Variants in DHRSX observed in about 807,000 individuals in gnomAD.
The protein encoded by DHRSX is polyprenol dehydrogenase.
Under a neutral mutation model 34.0 loss-of-function variants are expected in DHRSX, and 31 were observed. The observed-to-expected ratio is 0.91, with a 90% CI of 0.69 to 1.23. The LOEUF is 1.23. Among genes scored for constraint, DHRSX ranks in the 50% most tolerant of loss-of-function variants. The pLI is 0.00. For synonymous variants in DHRSX, 201 were observed against 183.8 expected, an observed-to-expected ratio of 1.09 and a Z score of -0.76; for missense variants, 414 against 428.1, an observed-to-expected ratio of 0.97 and a Z score of 0.29.
chrX:2,408,094 GTTTGA>G (rs1188554068), intron 3 of DHRSX, among the ~76,000 whole-genome samples: 5 of 151,434 alleles, frequency 3.3e-5, no homozygotes, highest in East Asian at 3.9e-4. Context: ...GCATATTCCT[GTTTGA>G]TTTATCTTTT....
chrX:2,286,108 C>T (rs181958382), intron 4 of DHRSX, among the ~76,000 whole-genome samples: 1 of 151,844 alleles, frequency 6.6e-6, no homozygotes, highest in Non-Finnish European at 1.5e-5. Context: ...TAGAATCCAG[C>T]CTTCTCATTT....
chrX:2,441,749 C>T lies in DHRSX; in HGVS notation c.110-16445G>A, dbSNP rs193216197. Among the ~76,000 whole-genome samples, 859 of 152,252 alleles carry T rather than the reference C, an allele frequency of 5.6e-3. 6 individuals carry two copies. Among genetic ancestry groups the T allele is most frequent in the African/African-American group, 0.02 (823 of 41,554 alleles). The stretch of plus-strand genomic sequence containing the variant: ...ACTGAAAATCTCATTATTGGGTACA[C>T]ACCCAGAGGAATATAAATTGTTCTA... On this transcript the variant is annotated intron_variant, in intron 1 of 6. Transcript: ENST00000334651.
chrX:2,362,117 T>G (rs758126399), intron 3 of DHRSX, among the ~76,000 whole-genome samples: 98 of 152,304 alleles, frequency 6.4e-4, no homozygotes, highest in African/African-American at 2.3e-3. Flanking sequence ...TAAGAACTTT[T>G]AAGAGCCCTA....
rs868820653 is a variant in DHRSX at position 2,393,979 on chromosome X, G to A, written c.286+14766C>T. 1.2e-4 allele frequency among the ~76,000 whole-genome samples: 18 copies of A among 152,184 alleles called. No individual in the cohort carries two copies. In the Middle Eastern group the frequency reaches 9.5e-3, roughly 80 times the overall value. On this transcript the variant is annotated intron_variant, in intron 3 of 6. Coordinates refer to ENST00000334651, the MANE Select transcript of DHRSX (RefSeq NM_145177.3). ...CAGGGACCATTCGGGGTTCAGGGAC[G>A]CGTGTCCATGGTAGGATCCCTGGCA...
chrX:2,356,856 T>C (rs1235869568), intron 3 of DHRSX, among the ~76,000 whole-genome samples: 1 of 152,160 alleles, frequency 6.6e-6, no homozygotes, highest in Non-Finnish European at 1.5e-5. Context: ...ACATAGAACA[T>C]AGAAAATATG....
chrX:2,399,915 ACTAGTCCCAG>A (rs1368167862), intron 3 of DHRSX, among the ~76,000 whole-genome samples: 5 of 151,712 alleles, frequency 3.3e-5, no homozygotes, highest in Non-Finnish European at 7.4e-5. Context: ...GGTGCATGCT[ACTAGTCCCAG>A]CTACTCGGGA....
At chrX:2,380,242 A>G (rs2043187240) in intron 3 of DHRSX, among the ~76,000 whole-genome samples, 1 of 135,396 alleles carries the variant, frequency 7.4e-6, no homozygotes, top group South Asian at 2.6e-4. Context: ...CGGAGGTTGC[A>G]GTGAGCTGAG....
In DHRSX at chrX:2,319,216, TC is replaced by T. The variant is rs1171291558; in HGVS notation, c.287-27614del. Among the ~76,000 whole-genome samples the T allele has an allele frequency of 2.7e-3, 107 of 39,098 alleles. 3 individuals carry two copies. Among genetic ancestry groups the T allele is most frequent in the East Asian group, 0.021 (25 of 1,198 alleles). The allele number at this position is 39,098 out of a possible 152,430, so 25.6% of individuals were successfully genotyped here. ...CCTCCTCCCTCTTCGTCCCCCCTCCTCCCCCCCTCCCTTCTCCTCCTCCCCT... is the reference window on the plus strand; with the variant it reads ...CCTCCTCCCTCTTCGTCCCCCCTCCTCCCCCCTCCCTTCTCCTCCTCCCCT... On this transcript the variant is annotated intron_variant, in intron 3 of 6. Coordinates refer to ENST00000334651, the MANE Select transcript of DHRSX (RefSeq NM_145177.3).
chrX:2,249,513 C>CCT (rs2016383823), intron 5 of DHRSX, among the ~76,000 whole-genome samples: 4 of 70,166 alleles, frequency 5.7e-5, no homozygotes, highest in East Asian at 6.8e-4. Context: ...CTTTTTGTGC[C>CCT]TTTTTTTTTT....
At chrX:2,298,985 CAAAAAAAA>C (rs1162323678) in intron 3 of DHRSX, among the ~76,000 whole-genome samples, 26 of 88,530 alleles carry the variant, frequency 2.9e-4, no homozygotes, top group Middle Eastern at 5.3e-3. Flanking sequence ...AACTCTGTCT[CAAAAAAAA>C]AAAAAAAAAA....
At chrX:2,368,101 G>A (rs1007800220) in intron 3 of DHRSX, among the ~76,000 whole-genome samples, 1 of 151,718 alleles carries the variant, frequency 6.6e-6, no homozygotes, top group African/African-American at 2.4e-5. Context: ...AAATTAGCCG[G>A]GCGTGGTGCC....
intron 1 of DHRSX, among the ~76,000 whole-genome samples, chrX:2,478,180 A>T (rs2044710309): frequency 6.6e-6 from 1 of 152,126 alleles, no homozygotes; most frequent in South Asian, 2.1e-4. Context: ...CAGGAGAAGG[A>T]ATGAATGCGG....
chrX:2,494,801 A>G (rs947829724), intron 1 of DHRSX, among the ~76,000 whole-genome samples: 3 of 151,974 alleles, frequency 2.0e-5, no homozygotes, highest in Non-Finnish European at 2.9e-5. Context: ...CCCAGTACCT[A>G]GAAGAAAAGT....
chrX:2,284,726 C>T (rs142946718), intron 4 of DHRSX, among the ~76,000 whole-genome samples: 3,220 of 152,158 alleles, frequency 0.021, 111 homozygotes, highest in African/African-American at 0.071. Context: ...CCATAAATAC[C>T]GGCTCTGCAG....
intron 3 of DHRSX, among the ~76,000 whole-genome samples, chrX:2,331,441 T>TTTTTTC (rs1569490002): frequency 1.5e-5 from 1 of 67,834 alleles, no homozygotes; most frequent in Non-Finnish European, 2.9e-5. Context: ...TTTTGGTTTT[T>TTTTTTC]TTTTTTTTTT....
chrX:2,438,443 G>A (rs1404379426), intron 1 of DHRSX, among the ~76,000 whole-genome samples: 1 of 152,042 alleles, frequency 6.6e-6, no homozygotes, highest in African/African-American at 2.4e-5. Context: ...GGCTAAGGTG[G>A]GCTGATCACC....
At chrX:2,493,059 G>A (rs1196595125) in intron 1 of DHRSX, among the ~76,000 whole-genome samples, 1 of 152,242 alleles carries the variant, frequency 6.6e-6, no homozygotes, top group Non-Finnish European at 1.5e-5. Flanking sequence ...CCAGAGCCCA[G>A]CAGTGCCACT....
chrX:2,235,424 A>G (rs1423712324), intron 6 of DHRSX, among the ~76,000 whole-genome samples: 1 of 152,144 alleles, frequency 6.6e-6, no homozygotes. Flanking sequence ...TACTCCTTAA[A>G]TTTATAATAA....
At chrX:2,288,778 A>G (rs984769692) in intron 4 of DHRSX, among the ~76,000 whole-genome samples, 2 of 152,206 alleles carry the variant, frequency 1.3e-5, no homozygotes, top group African/African-American at 4.8e-5. Flanking sequence ...TCTACAGAAG[A>G]GATAGGGTAC....
Sources: allele counts gnomAD v4.1 joint callset (sites outside exome capture counted in the v4.1 genomes callset), GRCh38; gene constraint gnomAD v4.1.1; transcripts MANE v1.5; gene names NCBI Gene and HGNC (gene_info 2026-07-23, HGNC 2026-07-21).